DET1: variants seen among roughly 807,000 people sequenced by gnomAD.
DET1 encodes the protein DET1 partner of COP1 E3 ubiquitin ligase.
A neutral mutation model predicts 43.7 loss-of-function variants in DET1; 22 were observed. The observed-to-expected ratio is 0.50, with a 90% confidence interval of 0.36 to 0.72. DET1 has a LOEUF of 0.72. DET1 is among the 30% of genes least tolerant of loss of function. The pLI is 0.00. For missense variants in DET1, 713 were observed against 713.3 expected (o/e 1.00, Z 0.00); for synonymous variants, 315 against 266.2 (o/e 1.18, Z -1.79).
intron 4 of DET1, among the ~76,000 whole-genome samples, chr15:88,513,799 T>TTA (rs2056264582): frequency 7.4e-6 from 1 of 134,698 alleles, no homozygotes; most frequent in Non-Finnish European, 1.6e-5. Context: ...AATTCTTTTT[T>TTA]TTTTTTTTTT....
intron 1 of DET1, among the ~76,000 whole-genome samples, chr15:88,538,212 G>A (rs1292183432): frequency 6.6e-6 from 1 of 151,594 alleles, no homozygotes; most frequent in African/African-American, 2.4e-5. Flanking sequence ...ACTCCATCTT[G>A]GCTCTTTCAC....
intron 3 of DET1, among the ~76,000 whole-genome samples, chr15:88,523,166 A>G (rs1400113887): frequency 6.6e-6 from 1 of 152,076 alleles, no homozygotes; most frequent in Non-Finnish European, 1.5e-5. Context: ...ATAAGCCACC[A>G]TGCCAGACCT....
chr15:88,515,538 T>TAAAAAAAAAAAAAAAAAA lies in DET1; in HGVS notation c.1463+1243_1463+1244insTTTTTTTTTTTTTTTTTT, dbSNP rs1491544233. Among the ~76,000 whole-genome samples, 14 of 47,480 alleles carry TAAAAAAAAAAAAAAAAAA rather than the reference T, an allele frequency of 2.9e-4. 5 individuals are homozygous for TAAAAAAAAAAAAAAAAAA. The highest frequency in any genetic ancestry group is 7.4e-4 in the Admixed American group (2 of 2,720). The allele number at this position is 47,480 out of a possible 152,430, so 31.1% of individuals were successfully genotyped here. ...TGGGCAACAGACAGAGACTCCGTCT[T>TAAAAAAAAAAAAAAAAAA]ATAAAAAAAAAAAAAAAAAAAAAAA... On this transcript the variant is annotated intron_variant, in intron 4 of 4. Transcript: ENST00000268148.
chr15:88,543,350 G>A (rs751638781), intron 1 of DET1, among the ~76,000 whole-genome samples: 1 of 152,232 alleles, frequency 6.6e-6, no homozygotes, highest in South Asian at 2.1e-4. Flanking sequence ...TCATGCTGTA[G>A]AGACTTTACT....
chr15:88,527,838 G>A (rs1162773191), intron 2 of DET1, 52 bp from the exon 3 acceptor site: 58 of 1,351,376 alleles, frequency 4.3e-5, no homozygotes, highest in African/African-American at 1.0e-4. Flanking sequence ...AATGCCATGC[G>A]TAGGAAACTT....
chr15:88,522,869 G>GT (rs546315254), intron 3 of DET1, among the ~76,000 whole-genome samples: 152 of 137,012 alleles, frequency 1.1e-3, no homozygotes, highest in Non-Finnish European at 1.8e-3. Flanking sequence ...ATGTAACATT[G>GT]TTTTTTTTTT....
downstream of DET1, among the ~76,000 whole-genome samples, chr15:88,510,996 T>C (rs1363563748): frequency 6.6e-6 from 1 of 152,052 alleles, no homozygotes; most frequent in Non-Finnish European, 1.5e-5. Context: ...AAGGTCTTGA[T>C]CTCCTGATCT....
At chr15:88,530,241 T>C (rs979525999) in intron 2 of DET1, among the ~76,000 whole-genome samples, 3 of 152,212 alleles carry the variant, frequency 2.0e-5, no homozygotes, top group African/African-American at 7.2e-5. Context: ...GGTGTACTCA[T>C]TCTCATTGCC....
In DET1 at chr15:88,517,891, AT is replaced by A. The variant is rs199896921; in HGVS notation, c.1272-919del. 9.3e-3 allele frequency among the ~76,000 whole-genome samples: 1,423 copies of A among 152,324 alleles called. 24 individuals carry two copies. Among genetic ancestry groups the A allele is most frequent in the African/African-American group, 0.032 (1,330 of 41,564 alleles). ...TATATCTGACTTATCTTTGAAAATA[AT>A]AACAGAACAGTTATTTCTCATCACT... On this transcript the variant is annotated intron_variant, in intron 3 of 4. Transcript: ENST00000268148.
chr15:88,539,433 C>T (rs554693915), intron 1 of DET1, among the ~76,000 whole-genome samples: 3 of 146,696 alleles, frequency 2.0e-5, no homozygotes, highest in Non-Finnish European at 3.0e-5. Context: ...ACGGGAGGGC[C>T]CCCCCTTGTC....
At chr15:88,534,258 G>C (rs181584076) in intron 1 of DET1, among the ~76,000 whole-genome samples, 145 of 152,262 alleles carry the variant, frequency 9.5e-4, no homozygotes, top group African/African-American at 3.4e-3. Flanking sequence ...AAAAACTTAA[G>C]TTATAAAGCT....
chr15:88,506,989 C>T (rs2056148636), intron 7 of DET1, among the ~76,000 whole-genome samples: 2 of 152,180 alleles, frequency 1.3e-5, no homozygotes, highest in South Asian at 4.1e-4. Context: ...GGAGAGAAGA[C>T]ACTAGAATTG....
At chr15:88,542,198 G>A (rs901996723) in intron 1 of DET1, among the ~76,000 whole-genome samples, 3 of 152,128 alleles carry the variant, frequency 2.0e-5, no homozygotes, top group Non-Finnish European at 2.9e-5. Context: ...CGCATCTGAA[G>A]AGAGGCCAGA....
rs371858161 is a variant in DET1 at position 88,531,310 on chromosome 15, A to G, written c.396T>C (p.Asn132=). The G allele has an allele frequency of 1.2e-6, 2 of 1,613,860 alleles. No homozygotes were observed. Among genetic ancestry groups the G allele is most frequent in the Non-Finnish European group, 1.7e-6 (2 of 1,179,894 alleles). The part of the protein sequence containing the change: ...ERFFVLLHIT[N]VAANGEHLNR... ...TCAGGTGCTCACCATTGGCCGCAAC[A>G]TTGGTAATGTGCAGCAGGACAAAAA... Residue 132 remains asparagine (N), a synonymous_variant, in exon 2 of 5, where the codon AAT becomes AAC. Transcript: ENST00000268148. This position sits in a 1 kb window ranked among gnomAD's most constrained non-coding sequence, Gnocchi z 6.2.
chr15:88,509,043 G>A (rs2056170649), downstream of DET1, among the ~76,000 whole-genome samples: 1 of 152,186 alleles, frequency 6.6e-6, no homozygotes, highest in African/African-American at 2.4e-5. Context: ...TGCAATAGGA[G>A]GTAAGGCAGG....
Position 88,515,538 on chromosome 15 carries a change from T to TAAAAAAAAAAAAAAAAA in DET1, c.1463+1243_1463+1244insTTTTTTTTTTTTTTTTT, listed in dbSNP as rs1491544233. ...TGGGCAACAGACAGAGACTCCGTCT[T>TAAAAAAAAAAAAAAAAA]ATAAAAAAAAAAAAAAAAAAAAAAA... On this transcript the variant is annotated intron_variant, in intron 4 of 4. Transcript: ENST00000268148. Among the ~76,000 whole-genome samples the TAAAAAAAAAAAAAAAAA allele has an allele frequency of 1.1e-3, 54 of 47,480 alleles. 23 individuals carry two copies. The highest frequency in any genetic ancestry group is 1.5e-3 in the Non-Finnish European group (43 of 29,194). 31.1% of individuals were successfully genotyped at this position (47,480 alleles called of 152,430 possible).
intron 3 of DET1, among the ~76,000 whole-genome samples, chr15:88,520,986 C>A (rs985237249): frequency 6.6e-6 from 1 of 152,222 alleles, no homozygotes; most frequent in Non-Finnish European, 1.5e-5. Flanking sequence ...TCTGTTAAAA[C>A]ATAAGTGAGA....
chr15:88,532,908 G>A (rs572149547), intron 1 of DET1, among the ~76,000 whole-genome samples: 91 of 152,242 alleles, frequency 6.0e-4, no homozygotes, highest in Non-Finnish European at 1.2e-3. Context: ...AGACACAAAA[G>A]GCATAGGCGA....
At chr15:88,523,073 G>A (rs953661494) in intron 3 of DET1, among the ~76,000 whole-genome samples, 1 of 151,290 alleles carries the variant, frequency 6.6e-6, no homozygotes, top group African/African-American at 2.4e-5. Context: ...TCGGAGACCA[G>A]CCATGTTACC....
Sources: allele counts gnomAD v4.1 joint callset (sites outside exome capture counted in the v4.1 genomes callset), GRCh38; gene constraint gnomAD v4.1.1; non-coding constraint Gnocchi (gnomAD v3.1); transcripts MANE v1.5; gene names NCBI Gene and HGNC (gene_info 2026-07-23, HGNC 2026-07-21).